FDFT1: variants seen among roughly 807,000 people sequenced by gnomAD.
The protein encoded by FDFT1 is squalene synthase.
FDFT1 carries 68 observed loss-of-function variants against 46.8 expected under a neutral mutation model. That is an observed-to-expected ratio of 1.45 (90% confidence interval 1.19 to 1.78). The LOEUF (loss-of-function observed/expected upper bound fraction) is 1.78, where lower values mean the gene tolerates loss of function less well. Ranked by LOEUF, FDFT1 falls within the 40% of genes most tolerant of loss-of-function variation. The pLI, the probability that FDFT1 is intolerant of heterozygous loss-of-function variation, is 0.00. For synonymous variants in FDFT1, 351 were observed against 185.1 expected, an observed-to-expected ratio of 1.90 and a Z score of -7.28; for missense variants, 928 against 524.4, an observed-to-expected ratio of 1.77 and a Z score of -7.52.
intron 3 of FDFT1, among the ~76,000 whole-genome samples, chr8:11,821,212 A>G (rs1809191161): frequency 6.6e-6 from 1 of 152,260 alleles, no homozygotes; most frequent in South Asian, 2.1e-4. Flanking sequence ...TGAAATGTGT[A>G]GTGAGACTTT....
At chr8:11,816,721 T>G (rs1056087450) in intron 3 of FDFT1, among the ~76,000 whole-genome samples, 15 of 152,238 alleles carry the variant, frequency 9.9e-5, no homozygotes, top group African/African-American at 3.6e-4. Flanking sequence ...ATTGATTTTG[T>G]ATCCTGAGAC....
chr8:11,798,669 T>A (rs1160931362), upstream of FDFT1, among the ~76,000 whole-genome samples: 2 of 152,222 alleles, frequency 1.3e-5, no homozygotes, highest in Non-Finnish European at 2.9e-5. Context: ...AATGGGCACG[T>A]TAACTAACTT....
chr8:11,808,590 GCGCCCAGGGGCCCGGGCGCAGGCAC>G (rs1181941168), intron 1 of FDFT1, 179 bp from the exon 2 acceptor site: 1 of 1,386,250 alleles, frequency 7.2e-7, no homozygotes, highest in African/African-American at 1.5e-5. Context: ...TCCCGCCGCG[GCGCCCAGGGGCCCGGGCGCAGGCAC>G]CGCCCCGCGG....
chr8:11,798,321 A>C (rs1012513011), upstream of FDFT1, among the ~76,000 whole-genome samples: 2 of 152,206 alleles, frequency 1.3e-5, no homozygotes, highest in Non-Finnish European at 2.9e-5. Flanking sequence ...TGGTCTTCCC[A>C]AGTGCTGGGA....
At chr8:11,828,755 A>G (rs1810361983) in intron 5 of FDFT1, among the ~76,000 whole-genome samples, 1 of 152,214 alleles carries the variant, frequency 6.6e-6, no homozygotes, top group South Asian at 2.1e-4. Context: ...TAGTAGTTGA[A>G]TCATGCCAAA....
chr8:11,816,130 T>C (rs1366937968), intron 3 of FDFT1, among the ~76,000 whole-genome samples: 2 of 152,224 alleles, frequency 1.3e-5, no homozygotes, highest in East Asian at 3.8e-4. Context: ...AGGGAATCCT[T>C]TCTCCATTGC....
chr8:11,830,090 CCCT>C (rs1563336536), intron 5 of FDFT1, among the ~76,000 whole-genome samples, 151 bp from the exon 6 acceptor site: 1 of 152,164 alleles, frequency 6.6e-6, no homozygotes, highest in East Asian at 1.9e-4. Context: ...TCGTGATCCA[CCCT>C]CCTCGGCCTC....
chr8:11,835,587 C>T (rs1311745706), intron 7 of FDFT1, among the ~76,000 whole-genome samples: 3 of 152,160 alleles, frequency 2.0e-5, no homozygotes, highest in African/African-American at 7.2e-5. Context: ...TGTGTATATT[C>T]ACTTGGGTGC....
intron 3 of FDFT1, among the ~76,000 whole-genome samples, chr8:11,815,749 T>G (rs1808355255): frequency 6.6e-6 from 1 of 152,228 alleles, no homozygotes. Flanking sequence ...TTTTAAGTTC[T>G]TTGTAGATTC....
At chr8:11,828,878 T>G (rs1810385520) in intron 5 of FDFT1, among the ~76,000 whole-genome samples, 1 of 152,264 alleles carries the variant, frequency 6.6e-6, no homozygotes, top group African/African-American at 2.4e-5. Context: ...TTCCACTGTG[T>G]GGATAGACCA....
chr8:11,830,833 G>A (rs73549729), intron 6 of FDFT1, among the ~76,000 whole-genome samples: 2 of 152,152 alleles, frequency 1.3e-5, no homozygotes, highest in South Asian at 2.1e-4. Context: ...AACCTGGTCC[G>A]GTAGACCTAG....
intron 3 of FDFT1, among the ~76,000 whole-genome samples, chr8:11,815,801 T>G (rs1808362001): frequency 6.6e-6 from 1 of 152,252 alleles, no homozygotes; most frequent in Non-Finnish European, 1.5e-5. Flanking sequence ...ACAAAAATTT[T>G]CTCCTATTCT....
intron 4 of FDFT1, among the ~76,000 whole-genome samples, chr8:11,824,936 C>A (rs562383347): frequency 6.6e-6 from 1 of 151,978 alleles, no homozygotes; most frequent in Non-Finnish European, 1.5e-5. Context: ...GGGGTTTCAC[C>A]GTCTTAGCCA....
intron 3 of FDFT1, among the ~76,000 whole-genome samples, chr8:11,817,389 G>C (rs533561844): frequency 5.2e-4 from 70 of 135,444 alleles, no homozygotes; most frequent in African/African-American, 1.7e-3. Context: ...CTCATAAAAT[G>C]AGTTAGGGAG....
chr8:11,808,388 G>C, intron 1 of FDFT1: 9 of 1,234,106 alleles, frequency 7.3e-6, no homozygotes, highest in Admixed American at 4.2e-5. Flanking sequence ...GCGGGGCTGC[G>C]GGGCGGGCCC....
rs1809294675 is a variant in FDFT1 at position 11,821,840 on chromosome 8, T to C, written c.472T>C (p.Leu158=). Residue 158 remains leucine (L), a synonymous_variant, in exon 4 of 8, where the codon TTG becomes CTG. Transcript: ENST00000220584. ...RRMGIGMAEF[L]DKHVTSEQEW... is the part of the protein sequence containing the mutation. ...AATGGGCATTGGGATGGCAGAGTTTTTGGATAAGCATGTGACCTCTGAACA... is the reference window on the plus strand; with the variant it reads ...AATGGGCATTGGGATGGCAGAGTTTCTGGATAAGCATGTGACCTCTGAACA... The C allele has an allele frequency of 1.2e-6, 2 of 1,613,520 alleles. No homozygotes were observed. The highest frequency in any genetic ancestry group is 2.7e-5 in the African/African-American group (2 of 74,914).
intron 4 of FDFT1, among the ~76,000 whole-genome samples, chr8:11,824,024 T>TA (rs1207052023): frequency 0.013 from 2,048 of 152,036 alleles, 46 homozygotes; most frequent in African/African-American, 0.046. Context: ...GCCACTACAC[T>TA]CAGCCTTTTA....
At position 11,836,196 on chromosome 8, in the gene FDFT1, C is replaced by T. The variant is rs116966896; in HGVS notation, c.1033-2192C>T. On this transcript the variant is annotated intron_variant, in intron 7 of 7. Transcript: ENST00000220584. ...ACAATATACCAAAACCATTACTTAC[C>T]TGAGAAACTATTCTCAGGGTCATTG... Among the ~76,000 whole-genome samples the T allele has an allele frequency of 1.8e-4, 27 of 151,956 alleles. 1 individual carries two copies. The East Asian group carries it at 5.2e-3, about 29-fold the overall frequency.
chr8:11,813,020 T>C (rs78522320), intron 3 of FDFT1, among the ~76,000 whole-genome samples: 1,473 of 147,266 alleles, frequency 0.01, 20 homozygotes, highest in African/African-American at 0.034. Context: ...ACGTAGGCTC[T>C]GTGGTACAGG....
Sources: gnomAD v4.1 joint callset for allele counts (sites outside exome capture counted in the v4.1 genomes callset) on GRCh38, gnomAD v4.1.1 for gene constraint, MANE v1.5 for transcripts, NCBI Gene and HGNC (gene_info 2026-07-23, HGNC 2026-07-21) for gene names.